PPFIA2: variants seen among roughly 807,000 people sequenced by gnomAD.
The protein encoded by PPFIA2 is PPFI scaffold protein A2, also known as liprin-alpha-2.
Under a neutral mutation model 175.5 loss-of-function variants are expected in PPFIA2, and 46 were observed. That is an observed-to-expected ratio of 0.26 (90% CI 0.21 to 0.34). The LOEUF (loss-of-function observed/expected upper bound fraction) is 0.34, where lower values mean the gene tolerates loss of function less well. Ranked by LOEUF, PPFIA2 falls within the 10% of genes least tolerant of loss-of-function variation. The pLI, the probability that PPFIA2 is intolerant of heterozygous loss-of-function variation, is 1.00. For synonymous variants in PPFIA2, 568 were observed against 511.4 expected (o/e 1.11, Z -1.49); for missense variants, 1,179 against 1,506.1 (o/e 0.78, Z 3.60).
chr12:81,294,038 CAA>C, intron 24 of PPFIA2, among the ~76,000 whole-genome samples: 1 of 151,916 alleles, frequency 6.6e-6, no homozygotes, highest in Admixed American at 6.6e-5. Context: ...AACTTGGAAA[CAA>C]AAAAAAATCA....
chr12:81,694,818 T>C (rs555739741), intron 3 of PPFIA2, among the ~76,000 whole-genome samples: 8 of 152,232 alleles, frequency 5.3e-5, no homozygotes, highest in Admixed American at 3.3e-4. Flanking sequence ...GCCTGGTGCT[T>C]AACTTTGCAA....
chr12:81,572,020 A>T (rs1297272121), intron 4 of PPFIA2, among the ~76,000 whole-genome samples: 2 of 152,016 alleles, frequency 1.3e-5, no homozygotes, highest in Non-Finnish European at 2.9e-5. Flanking sequence ...CTGAAGAGAG[A>T]ACCTGTTTTA....
chr12:81,591,767 G>A (rs1401273969), intron 4 of PPFIA2, among the ~76,000 whole-genome samples: 1 of 152,200 alleles, frequency 6.6e-6, no homozygotes, highest in African/African-American at 2.4e-5. Flanking sequence ...AGATTTCACA[G>A]GATGTATGGA....
chr12:81,387,060 G>A lies in PPFIA2; in HGVS notation c.763-2816C>T, dbSNP rs117689236. On this transcript the variant is annotated intron_variant, in intron 8 of 32. Coordinates refer to ENST00000549396, the MANE Select transcript of PPFIA2 (RefSeq NM_003625.5). The stretch of plus-strand genomic sequence containing the variant: ...CATAAATTTGCCCATCGACACCTGT[G>A]TTACAACTTTCTGATTTCAGATACC... Among the ~76,000 whole-genome samples, 525 of 151,926 alleles carry A rather than the reference G, an allele frequency of 3.5e-3. 2 individuals carry two copies. The highest frequency in any genetic ancestry group is 7.2e-3 in the Admixed American group (110 of 15,208).
intron 24 of PPFIA2, chr12:81,292,743 G>A (rs941942084): frequency 2.0e-5 from 3 of 151,356 alleles, no homozygotes; most frequent in Non-Finnish European, 4.4e-5. Flanking sequence ...GACTGTGTGT[G>A]GGGGGTCAGC....
intron 22 of PPFIA2, among the ~76,000 whole-genome samples, chr12:81,323,786 C>G (rs1279227969): frequency 6.6e-6 from 1 of 152,036 alleles, no homozygotes; most frequent in Admixed American, 6.6e-5. Context: ...AATCAAGCCA[C>G]AGTGGCATGC....
In PPFIA2 at chr12:81,642,658, C is replaced by CATACATTATGTATA. The variant is rs1567685600; in HGVS notation, c.303+34132_303+34133insTATACATAATGTAT. 3.9e-3 allele frequency among the ~76,000 whole-genome samples: 171 copies of CATACATTATGTATA among 43,564 alleles called. 41 individuals are homozygous for CATACATTATGTATA. Among genetic ancestry groups the CATACATTATGTATA allele is most frequent in the Non-Finnish European group, 7.0e-3 (156 of 22,364 alleles). The allele number at this position is 43,564 out of a possible 152,430, so 28.6% of individuals were successfully genotyped here. Reference sequence around the variant, plus strand: ...CTATTATATACATACATGTATGTATCTATTATATACATACATGTATGTATC... The same window carrying CATACATTATGTATA: ...CTATTATATACATACATGTATGTATCATACATTATGTATATATTATATACATACATGTATGTATC... On this transcript the variant is annotated intron_variant, in intron 4 of 32. Transcript: ENST00000549396.
chr12:81,342,946 T>TATA (rs141700038), intron 19 of PPFIA2, among the ~76,000 whole-genome samples: 484 of 147,652 alleles, frequency 3.3e-3, no homozygotes, highest in Middle Eastern at 7.2e-3. Context: ...AAACTTAAAG[T>TATA]ATAATAATAA....
At chr12:81,616,097 C>G (rs1054958533) in intron 4 of PPFIA2, among the ~76,000 whole-genome samples, 14 of 152,020 alleles carry the variant, frequency 9.2e-5, no homozygotes, top group African/African-American at 3.4e-4. Context: ...AGGATATCAG[C>G]TGAGAGTATT....
intron 4 of PPFIA2, among the ~76,000 whole-genome samples, chr12:81,470,596 G>A (rs2056557256): frequency 6.6e-6 from 1 of 152,112 alleles, no homozygotes; most frequent in Non-Finnish European, 1.5e-5. Context: ...GAAAACATAT[G>A]TCCACACAGA....
intron 1 of PPFIA2, among the ~76,000 whole-genome samples, chr12:81,758,872 G>T (rs1044549247): frequency 6.6e-6 from 1 of 152,018 alleles, no homozygotes; most frequent in Non-Finnish European, 1.5e-5. Context: ...CTCCGCGCCC[G>T]GGCCACCCGG....
intron 8 of PPFIA2, among the ~76,000 whole-genome samples, chr12:81,395,192 T>TGCCAGTA: frequency 6.6e-6 from 1 of 152,090 alleles, no homozygotes; most frequent in Non-Finnish European, 1.5e-5. Context: ...TATTAATTTA[T>TGCCAGTA]TAGGAAAAAC....
intron 4 of PPFIA2, among the ~76,000 whole-genome samples, chr12:81,508,879 C>T (rs1405982676): frequency 6.6e-6 from 1 of 150,444 alleles, no homozygotes; most frequent in East Asian, 2.0e-4. Flanking sequence ...GTTTTTTGTT[C>T]TTGCGATAGT....
intron 28 of PPFIA2, 57 bp from the exon 29 acceptor site, chr12:81,268,144 T>TC (rs1407385130): frequency 9.7e-7 from 1 of 1,031,058 alleles, no homozygotes; most frequent in East Asian, 3.4e-5. Context: ...TTTTTTTTTT[T>TC]TTTTTTTTTT....
chr12:81,621,604 A>T (rs2062049453), intron 4 of PPFIA2, among the ~76,000 whole-genome samples: 1 of 152,198 alleles, frequency 6.6e-6, no homozygotes, highest in Non-Finnish European at 1.5e-5. Context: ...ACAGGGTGGC[A>T]GTGGTGAAGG....
intron 4 of PPFIA2, chr12:81,535,322 G>T (rs1807062287): frequency 2.2e-6 from 1 of 449,350 alleles, no homozygotes; most frequent in African/African-American, 2.0e-5. Context: ...GGAAAAGAGG[G>T]TTCCGGAGTT....
chr12:81,617,619 C>T (rs1407912877), intron 4 of PPFIA2, among the ~76,000 whole-genome samples: 3 of 152,162 alleles, frequency 2.0e-5, no homozygotes, highest in African/African-American at 7.2e-5. Flanking sequence ...AAGTCTTATC[C>T]ACAGCCTATA....
chr12:81,668,089 G>A (rs946308377), intron 4 of PPFIA2, among the ~76,000 whole-genome samples: 14 of 152,010 alleles, frequency 9.2e-5, no homozygotes, highest in African/African-American at 3.4e-4. Flanking sequence ...ACAGATCATT[G>A]ACATAGGCAA....
intron 3 of PPFIA2, among the ~76,000 whole-genome samples, chr12:81,685,825 G>A (rs1048259189): frequency 3.3e-5 from 5 of 152,002 alleles, no homozygotes; most frequent in Non-Finnish European, 7.4e-5. Flanking sequence ...AGTGTCTCCA[G>A]GAACTGGTTG....
Sources: allele counts gnomAD v4.1 joint callset (sites outside exome capture counted in the v4.1 genomes callset), GRCh38; gene constraint gnomAD v4.1.1; transcripts MANE v1.5; gene names NCBI Gene and HGNC (gene_info 2026-07-23, HGNC 2026-07-21).